Variants in TRAPPC13 observed in about 807,000 individuals in gnomAD.
TRAPPC13 encodes trafficking protein particle complex subunit 13.
In TRAPPC13, 39 loss-of-function variants were observed where a neutral mutation model predicts 54.0. The ratio of observed to expected loss-of-function variants is 0.72; its 90% CI spans 0.56 to 0.94. The LOEUF is 0.94. Among genes scored for constraint, TRAPPC13 ranks in the 40% least tolerant of loss-of-function variants. TRAPPC13 has a pLI of 0.00. For missense variants in TRAPPC13, 386 were observed against 488.1 expected, an observed-to-expected ratio of 0.79 and a Z score of 1.97; for synonymous variants, 148 against 167.7, an observed-to-expected ratio of 0.88 and a Z score of 0.91.
At chr5:65,628,735 T>C (rs1282866979) in intron 1 of TRAPPC13, among the ~76,000 whole-genome samples, 1 of 152,010 alleles carries the variant, frequency 6.6e-6, no homozygotes, top group African/African-American at 2.4e-5. Flanking sequence ...CCCCATAAAG[T>C]TCTGGGATTA....
chr5:65,646,849 A>AT lies in TRAPPC13; in HGVS notation c.301-199dup, dbSNP rs1326353922. Reference sequence around the variant, plus strand: ...AATTCCTGCTTGATCTTATTTATTTATTTTTTTGGGGTTGGGGGGGTGTGC... The same window carrying AT: ...AATTCCTGCTTGATCTTATTTATTTATTTTTTTTGGGGTTGGGGGGGTGTGC... On this transcript the variant is annotated intron_variant, in intron 4 of 12. Transcript: ENST00000399438. Among the ~76,000 whole-genome samples the AT allele has an allele frequency of 5.6e-4, 84 of 151,104 alleles. No homozygotes were observed. The East Asian group carries it at 0.012, about 22-fold the overall frequency.
intron 7 of TRAPPC13, among the ~76,000 whole-genome samples, chr5:65,653,547 G>A (rs893529838): frequency 6.6e-6 from 1 of 152,094 alleles, no homozygotes; most frequent in Non-Finnish European, 1.5e-5. Flanking sequence ...TACCTAGAAT[G>A]GAATATAGTG....
chr5:65,658,698 G>GT (rs143790811), intron 9 of TRAPPC13, among the ~76,000 whole-genome samples, 197 bp downstream of exon 9: 36,378 of 142,622 alleles, frequency 0.26, 4,750 homozygotes, highest in Non-Finnish European at 0.3. Context: ...TTTACGTCTT[G>GT]TTTTTTATTT....
chr5:65,657,797 T>C (rs546615859), intron 8 of TRAPPC13, among the ~76,000 whole-genome samples: 1 of 152,304 alleles, frequency 6.6e-6, no homozygotes, highest in East Asian at 1.9e-4. Flanking sequence ...TTTTTAGCCC[T>C]CAATATACAT....
intron 4 of TRAPPC13, among the ~76,000 whole-genome samples, chr5:65,642,467 C>T (rs1756006746): frequency 6.6e-6 from 1 of 151,888 alleles, no homozygotes; most frequent in South Asian, 2.1e-4. Flanking sequence ...ACTTATATCC[C>T]ATATGTTTCT....
At chr5:65,636,833 A>C (rs1755767172) in intron 3 of TRAPPC13, among the ~76,000 whole-genome samples, 1 of 152,228 alleles carries the variant, frequency 6.6e-6, no homozygotes, top group South Asian at 2.1e-4. Context: ...TTGAGACAAA[A>C]AGAAATTTTA....
chr5:65,661,824 G>C (rs1756861179), intron 10 of TRAPPC13: 7 of 400,758 alleles, frequency 1.7e-5, no homozygotes, highest in Non-Finnish European at 4.4e-6. Flanking sequence ...ACTGAACATG[G>C]AATAATTATA....
At chr5:65,654,135 C>T (rs539264322) in intron 7 of TRAPPC13, among the ~76,000 whole-genome samples, 15 of 152,058 alleles carry the variant, frequency 9.9e-5, no homozygotes, top group East Asian at 3.9e-4. Context: ...AGTTTTATAA[C>T]GCTAATATTC....
At chr5:65,628,355 A>T (rs1178561743) in intron 1 of TRAPPC13, among the ~76,000 whole-genome samples, 1 of 152,234 alleles carries the variant, frequency 6.6e-6, no homozygotes, top group East Asian at 1.9e-4. Flanking sequence ...TGGTTAAACC[A>T]TATTAGCAAA....
rs1757029859 is a variant in TRAPPC13, at chr5:65,666,088, TC to T, written c.*1478del. On this transcript the variant is annotated 3_prime_UTR_variant, in exon 13 of 13. Coordinates refer to ENST00000399438, the MANE Select transcript of TRAPPC13 (RefSeq NM_024941.4). ...TGTAAAATTGAAGTCTGTCTTTGTT[TC>T]AAAATGATTAAGATTAAATGATGAA... 1 of 152,604 alleles carries T rather than the reference TC, an allele frequency of 6.6e-6. No individual in the cohort carries two copies. The highest frequency in any genetic ancestry group is 6.5e-5 in the Admixed American group (1 of 15,282). 9.5% of individuals were successfully genotyped at this position (152,604 alleles called of 1,614,324 possible).
rs1756960582 is a variant in TRAPPC13, at chr5:65,664,439, T to G, written c.1146+55T>G. 2.5e-6 allele frequency: 4 copies of G among 1,603,304 alleles called. No individual in the cohort carries two copies. The South Asian group carries it at 4.4e-5, about 18-fold the overall frequency. On this transcript the variant is annotated intron_variant, in intron 12 of 12. Transcript: ENST00000399438. ...TTGGGTGCTGTTAACTTACAAGTCATTTGTGATGTCTGTATTTCCTCTGAA... is the reference window on the plus strand; with the variant it reads ...TTGGGTGCTGTTAACTTACAAGTCAGTTGTGATGTCTGTATTTCCTCTGAA...
chr5:65,635,347 A>T lies in TRAPPC13; in HGVS notation c.93A>T (p.Thr31=). 1 of 1,613,526 alleles carries T rather than the reference A, an allele frequency of 6.2e-7. No homozygotes were observed. The part of the protein sequence containing the change: ...KPTLFTNIPV[T]CEEKDLPGDL... ...CTTTATTCACCAATATCCCAGTAAC[A>T]TGTGAAGAGAAAGACTTACCTGGTA... is the stretch of plus-strand genomic sequence containing the variant. The change falls in exon 2 of 13, where the codon ACA becomes ACT. Residue 31 remains threonine, a synonymous_variant. Transcript: ENST00000399438.
chr5:65,650,152 C>T (rs186071109), intron 5 of TRAPPC13, among the ~76,000 whole-genome samples: 10,172 of 138,452 alleles, frequency 0.073, 391 homozygotes, highest in East Asian at 0.096. Context: ...GCCACCACAC[C>T]TGGCCTTTTT....
rs1755740191 is a variant in TRAPPC13, at chr5:65,636,181, T to C, written c.215+138T>C. ...TTTTCTGAGATGGAGTCTCGCTCTA[T>C]TGCCCAGGCTGGAGTACAGTGGTGC... On this transcript the variant is annotated intron_variant, in intron 3 of 12. Transcript: ENST00000399438. 3 of 595,062 alleles carry C rather than the reference T, an allele frequency of 5.0e-6. No homozygotes were observed. The South Asian group carries it at 6.1e-5, about 12-fold the overall frequency. The allele number at this position is 595,062 out of a possible 1,614,324, so 36.9% of individuals were successfully genotyped here.
chr5:65,654,780 T>C (rs1189342541), intron 7 of TRAPPC13, among the ~76,000 whole-genome samples: 1 of 152,198 alleles, frequency 6.6e-6, no homozygotes, highest in Non-Finnish European at 1.5e-5. Flanking sequence ...TCTTCTAAGA[T>C]AGAAAAGCCT....
At chr5:65,637,554 A>T (rs1456054432) in intron 3 of TRAPPC13, 142 bp from the exon 4 acceptor site, 1 of 440,984 alleles carries the variant, frequency 2.3e-6, no homozygotes, top group African/African-American at 2.2e-5. Flanking sequence ...TGGGGTGAAC[A>T]TGGGAGGCGG....
chr5:65,657,392 A>G (rs1439963319), intron 8 of TRAPPC13, among the ~76,000 whole-genome samples: 1 of 152,118 alleles, frequency 6.6e-6, no homozygotes, highest in Non-Finnish European at 1.5e-5. Context: ...AAAAATAAAA[A>G]GCTCTTAAGT....
intron 4 of TRAPPC13, among the ~76,000 whole-genome samples, chr5:65,642,388 C>G (rs977928748): frequency 2.7e-5 from 4 of 149,562 alleles, no homozygotes; most frequent in African/African-American, 4.9e-5. Flanking sequence ...TGGTTTTTTT[C>G]TTGATTAAGT....
rs1288700474 is a variant in TRAPPC13, at chr5:65,664,265, A to G, written c.1027A>G (p.Met343Val). 2 of 1,613,756 alleles carry G rather than the reference A, an allele frequency of 1.2e-6. No homozygotes were observed. The highest frequency in any genetic ancestry group is 1.1e-5 in the South Asian group (1 of 91,074). The change falls in exon 12 of 13, where the codon ATG becomes GTG. Residue 343 changes from methionine to valine, a missense_variant. By Grantham distance (21) the Met-to-Val change is conservative. Transcript: ENST00000399438. ...AAGGACTATGGATCTGGTTTTGGAA[A>G]TGTGCAATACCAATTCCATCCACTG... The part of the protein sequence containing the change: ...SERTMDLVLE[M>V]CNTNSIHWCG...
Sources: allele counts gnomAD v4.1 joint callset (sites outside exome capture counted in the v4.1 genomes callset), GRCh38; gene constraint gnomAD v4.1.1; transcripts MANE v1.5; gene names NCBI Gene and HGNC (gene_info 2026-07-23, HGNC 2026-07-21).